ABCA12: variants seen among roughly 807,000 people sequenced by gnomAD.
ABCA12 encodes the protein glucosylceramide transporter ABCA12.
ABCA12 carries 156 observed loss-of-function variants against 293.5 expected under a neutral mutation model. The ratio of observed to expected loss-of-function variants is 0.53; its 90% CI spans 0.47 to 0.61. ABCA12 has a LOEUF of 0.61. Among genes scored for constraint, ABCA12 ranks in the 20% least tolerant of loss-of-function variants. The pLI, the probability that ABCA12 is intolerant of heterozygous loss-of-function variation, is 0.00. For missense variants in ABCA12, 2,797 were observed against 3,090.2 expected (o/e 0.91, Z 2.25); for synonymous variants, 1,063 against 1,108.0 (o/e 0.96, Z 0.81).
At chr2:215,120,978 ATAAT>A (rs1702793929) in intron 1 of ABCA12, among the ~76,000 whole-genome samples, 2 of 152,212 alleles carry the variant, frequency 1.3e-5, no homozygotes, top group African/African-American at 4.8e-5. Context: ...TGGTCTTCTT[ATAAT>A]TAATGTCAGC....
intron 2 of ABCA12, among the ~76,000 whole-genome samples, chr2:215,103,003 C>G (rs1241989978): frequency 6.6e-6 from 1 of 152,160 alleles, no homozygotes; most frequent in Admixed American, 6.5e-5. Context: ...TTTTCAAACT[C>G]TCTAATTTTG....
At chr2:214,959,225 AT>A in intron 39 of ABCA12, 147 bp from the exon 40 acceptor site, 1 of 728,576 alleles carries the variant, frequency 1.4e-6, no homozygotes, top group Non-Finnish European at 2.3e-6. Flanking sequence ...AAGGAAAATT[AT>A]TTTTCCCCTA....
chr2:215,022,866 G>A (rs1700660204), intron 11 of ABCA12: 1 of 152,038 alleles, frequency 6.6e-6, no homozygotes, highest in Non-Finnish European at 1.5e-5. Context: ...AAAATATTGT[G>A]TTATTTGTAT....
rs561291514 is a variant in ABCA12 at position 215,077,661 on chromosome 2, T to C, written c.164-13442A>G. 1.2e-4 allele frequency among the ~76,000 whole-genome samples: 19 copies of C among 152,346 alleles called. No individual in the cohort carries two copies. In the South Asian group the frequency reaches 3.9e-3, roughly 32 times the overall value. ...TAAGTCCTGCAAGAGTTTCTCATAATCCTTCAAACTTTTGGTTGTTGGCAA... is the reference window on the plus strand; with the variant it reads ...TAAGTCCTGCAAGAGTTTCTCATAACCCTTCAAACTTTTGGTTGTTGGCAA... On this transcript the variant is annotated intron_variant, in intron 2 of 52. Coordinates refer to ENST00000272895, the MANE Select transcript of ABCA12 (RefSeq NM_173076.3).
chr2:214,950,130 A>G (rs577723882), intron 45 of ABCA12, among the ~76,000 whole-genome samples: 12 of 152,226 alleles, frequency 7.9e-5, no homozygotes, highest in African/African-American at 2.9e-4. Context: ...TAGCATTTAC[A>G]TTGCATTGGG....
chr2:215,079,787 A>G (rs2860355), intron 2 of ABCA12, among the ~76,000 whole-genome samples: 73,322 of 151,982 alleles, frequency 0.48, 18,944 homozygotes, highest in South Asian at 0.68. Context: ...TTAGGGAAAT[A>G]AATGAACAGA....
chr2:215,038,882 G>A (rs1385256376), intron 7 of ABCA12: 1 of 152,022 alleles, frequency 6.6e-6, no homozygotes, highest in African/African-American at 2.4e-5. Context: ...TGACACCTGG[G>A]CTTCCATCTT....
intron 1 of ABCA12, among the ~76,000 whole-genome samples, chr2:215,124,695 T>C (rs1702885238): frequency 6.6e-6 from 1 of 152,170 alleles, no homozygotes; most frequent in Non-Finnish European, 1.5e-5. Context: ...TTGTAGATTC[T>C]GGATATTAGT....
chr2:215,135,537 C>T (rs1310712005), intron 1 of ABCA12, among the ~76,000 whole-genome samples: 1 of 152,124 alleles, frequency 6.6e-6, no homozygotes, highest in Non-Finnish European at 1.5e-5. Context: ...AGCTTAATTT[C>T]TGTTTTGCTG....
chr2:214,952,402 G>A (rs1261746523), intron 44 of ABCA12, among the ~76,000 whole-genome samples: 3 of 152,030 alleles, frequency 2.0e-5, no homozygotes, highest in Non-Finnish European at 4.4e-5. Context: ...TGTATTTTAA[G>A]TAGAGATGGG....
chr2:215,069,538 A>G (rs1265534317), intron 2 of ABCA12, among the ~76,000 whole-genome samples: 2 of 152,188 alleles, frequency 1.3e-5, no homozygotes, highest in Non-Finnish European at 2.9e-5. Flanking sequence ...TGAAAAGACA[A>G]GTTAAATTGT....
At chr2:215,102,694 A>T (rs1042005933) in intron 2 of ABCA12, among the ~76,000 whole-genome samples, 2 of 152,172 alleles carry the variant, frequency 1.3e-5, no homozygotes, top group Non-Finnish European at 2.9e-5. Context: ...GGCAAAAGAG[A>T]TTCCAAATTC....
intron 2 of ABCA12, among the ~76,000 whole-genome samples, chr2:215,086,638 T>C (rs933406643): frequency 6.6e-6 from 1 of 152,176 alleles, no homozygotes; most frequent in African/African-American, 2.4e-5. Flanking sequence ...TCACTCACCG[T>C]ATGATTCTGG....
At chr2:215,116,750 G>T (rs1350181694) in intron 1 of ABCA12, among the ~76,000 whole-genome samples, 1 of 151,850 alleles carries the variant, frequency 6.6e-6, no homozygotes, top group Non-Finnish European at 1.5e-5. Context: ...GTGATGAAAC[G>T]GAAAAAAGCA....
chr2:215,119,527 G>C (rs1219304742), intron 1 of ABCA12, among the ~76,000 whole-genome samples: 1 of 151,862 alleles, frequency 6.6e-6, no homozygotes, highest in Non-Finnish European at 1.5e-5. Flanking sequence ...GCATATGGCT[G>C]GTCAGTTATC....
chr2:215,064,281 T>G, intron 2 of ABCA12, 62 bp from the exon 3 acceptor site: 1 of 1,544,350 alleles, frequency 6.5e-7, no homozygotes. Flanking sequence ...AGAACATAAA[T>G]GCAGTAACTC....
chr2:214,947,278 A>T (rs1489617443), intron 48 of ABCA12, 144 bp downstream of exon 48: 56 of 1,110,776 alleles, frequency 5.0e-5, no homozygotes, highest in Non-Finnish European at 7.3e-5. Flanking sequence ...GAGATAGTAT[A>T]CATAAAGTGC....
chr2:215,127,798 A>G (rs1249815479), intron 1 of ABCA12, among the ~76,000 whole-genome samples: 1 of 152,158 alleles, frequency 6.6e-6, no homozygotes, highest in African/African-American at 2.4e-5. Flanking sequence ...CATTGTTGGT[A>G]TTGAAATATG....
chr2:215,000,683 G>A lies in ABCA12; in HGVS notation c.3179+22C>T. The A allele has an allele frequency of 1.9e-6, 3 of 1,613,036 alleles. No homozygotes were observed. In the South Asian group the frequency reaches 3.3e-5, roughly 18 times the overall value. ...CAGAAAAGTTGTTGATCATTAAAAA[G>A]GCTGGAAGTGCACACACTTACTTGT... On this transcript the variant is annotated intron_variant, in intron 22 of 52. Transcript: ENST00000272895.
Sources: allele counts gnomAD v4.1 joint callset (sites outside exome capture counted in the v4.1 genomes callset), GRCh38; gene constraint gnomAD v4.1.1; transcripts MANE v1.5; gene names NCBI Gene and HGNC (gene_info 2026-07-23, HGNC 2026-07-21).